GUCY1A2: variants seen among roughly 807,000 people sequenced by gnomAD.
The protein encoded by GUCY1A2 is guanylate cyclase 1 soluble subunit alpha 2.
GUCY1A2 carries 27 observed loss-of-function variants against 63.5 expected under a neutral mutation model. That is an observed-to-expected ratio of 0.43 (90% CI 0.31 to 0.59). The LOEUF is 0.59. Ranked by LOEUF, GUCY1A2 falls within the 20% of genes least tolerant of loss-of-function variation. GUCY1A2 has a pLI of 0.11. For missense variants in GUCY1A2, 768 were observed against 913.3 expected (o/e 0.84, Z 2.05); for synonymous variants, 364 against 343.5 (o/e 1.06, Z -0.66).
At chr11:106,800,241 G>A (rs1392976264) in intron 5 of GUCY1A2, among the ~76,000 whole-genome samples, 1 of 152,180 alleles carries the variant, frequency 6.6e-6, no homozygotes, top group Admixed American at 6.5e-5. Flanking sequence ...GGAAACAACA[G>A]GTGCTGGAGA....
chr11:106,881,746 C>A (rs1378014231), intron 4 of GUCY1A2, among the ~76,000 whole-genome samples: 1 of 151,840 alleles, frequency 6.6e-6, no homozygotes, highest in Non-Finnish European at 1.5e-5. Context: ...CCAATTGCAA[C>A]CAATTAGAAA....
intron 1 of GUCY1A2, among the ~76,000 whole-genome samples, chr11:107,007,945 C>T (rs1861693976): frequency 6.9e-6 from 1 of 145,230 alleles, no homozygotes; most frequent in Admixed American, 8.4e-5. Flanking sequence ...GGCAGCACAT[C>T]AGCAACCCCA....
At chr11:106,872,078 G>C (rs764001454) in intron 4 of GUCY1A2, among the ~76,000 whole-genome samples, 1 of 152,018 alleles carries the variant, frequency 6.6e-6, no homozygotes, top group Non-Finnish European at 1.5e-5. Context: ...AAAAACATAA[G>C]CGGTTGATAA....
At chr11:106,827,864 A>G in intron 4 of GUCY1A2, 1 of 1,597,086 alleles carries the variant, frequency 6.3e-7, no homozygotes, top group East Asian at 2.2e-5. Context: ...ACTTCCCTGC[A>G]GTCATGGGAG....
At chr11:106,919,145 C>T (rs1361719112) in intron 4 of GUCY1A2, among the ~76,000 whole-genome samples, 1 of 152,072 alleles carries the variant, frequency 6.6e-6, no homozygotes, top group African/African-American at 2.4e-5. Flanking sequence ...AAAAAACAAG[C>T]GTGATTATAT....
chr11:106,802,117 T>C (rs1280645429), intron 5 of GUCY1A2, among the ~76,000 whole-genome samples: 1 of 152,200 alleles, frequency 6.6e-6, no homozygotes, highest in African/African-American at 2.4e-5. Context: ...TTGTTTGTTT[T>C]AAAAAGGTAA....
chr11:106,826,374 C>A, intron 4 of GUCY1A2: 1 of 1,526,820 alleles, frequency 6.5e-7, no homozygotes, highest in East Asian at 2.3e-5. Flanking sequence ...TTATATGATT[C>A]TTGAAGAAAT....
chr11:106,936,240 CAA>C (rs548765770), intron 4 of GUCY1A2, among the ~76,000 whole-genome samples: 1 of 151,854 alleles, frequency 6.6e-6, no homozygotes, highest in Non-Finnish European at 1.5e-5. Context: ...CATTAAGCTG[CAA>C]AAAAAATTCA....
intron 6 of GUCY1A2, among the ~76,000 whole-genome samples, chr11:106,739,921 C>A (rs1175088978): frequency 6.6e-6 from 1 of 152,000 alleles, no homozygotes; most frequent in Non-Finnish European, 1.5e-5. Context: ...CCTCAGAGGT[C>A]CCTAGCAGCA....
intron 3 of GUCY1A2, among the ~76,000 whole-genome samples, chr11:106,957,629 C>T (rs763752089): frequency 2.0e-4 from 30 of 151,808 alleles, no homozygotes; most frequent in Non-Finnish European, 3.7e-4. Context: ...TCAATTTTGG[C>T]GAGAGAACCT....
intron 3 of GUCY1A2, among the ~76,000 whole-genome samples, chr11:106,949,998 A>T (rs1271881147): frequency 6.6e-6 from 1 of 152,096 alleles, no homozygotes; most frequent in African/African-American, 2.4e-5. Flanking sequence ...TGCATACATG[A>T]TTTTTCCATT....
intron 6 of GUCY1A2, among the ~76,000 whole-genome samples, chr11:106,766,112 G>A (rs1045134377): frequency 2.6e-5 from 4 of 152,086 alleles, no homozygotes; most frequent in African/African-American, 9.7e-5. Flanking sequence ...TGCCTGACAT[G>A]ACATCAACAA....
chr11:106,985,202 A>C (rs1034773085), intron 2 of GUCY1A2, among the ~76,000 whole-genome samples: 2 of 152,250 alleles, frequency 1.3e-5, no homozygotes, highest in African/African-American at 4.8e-5. Context: ...TTGACTTCTC[A>C]AAAGTTCTTA....
chr11:106,745,123 C>T (rs186868784), intron 6 of GUCY1A2, among the ~76,000 whole-genome samples: 65 of 152,208 alleles, frequency 4.3e-4, no homozygotes, highest in East Asian at 7.7e-4. Context: ...AAGGATTGAA[C>T]GATTTGCCAT....
intron 3 of GUCY1A2, among the ~76,000 whole-genome samples, chr11:106,957,076 A>G (rs1860995403): frequency 6.6e-6 from 1 of 152,130 alleles, no homozygotes; most frequent in South Asian, 2.1e-4. Flanking sequence ...ACTGCCACAG[A>G]GGGTGTGTTG....
At chr11:107,006,502 G>C (rs150113507) in intron 1 of GUCY1A2, among the ~76,000 whole-genome samples, 3 of 152,164 alleles carry the variant, frequency 2.0e-5, no homozygotes, top group African/African-American at 7.2e-5. Flanking sequence ...AGGAAAACAA[G>C]ACAAGCACAT....
chr11:106,817,134 C>T (rs568828279), intron 4 of GUCY1A2, among the ~76,000 whole-genome samples: 18 of 152,036 alleles, frequency 1.2e-4, no homozygotes, highest in African/African-American at 3.4e-4. Flanking sequence ...AAGTTAATGA[C>T]GAAATAATTC....
intron 5 of GUCY1A2, among the ~76,000 whole-genome samples, chr11:106,781,875 CTTGT>C (rs1039931380): frequency 2.0e-5 from 3 of 152,166 alleles, no homozygotes; most frequent in African/African-American, 4.8e-5. Context: ...TCCCATTTAC[CTTGT>C]TTGTTTATTT....
chr11:106,729,238 T>C (rs1565271503), intron 6 of GUCY1A2, among the ~76,000 whole-genome samples: 1 of 152,146 alleles, frequency 6.6e-6, no homozygotes, highest in African/African-American at 2.4e-5. Context: ...GGATTGAAGC[T>C]AGAAGGAAGA....
Sources: allele counts gnomAD v4.1 joint callset (sites outside exome capture counted in the v4.1 genomes callset), GRCh38; gene constraint gnomAD v4.1.1; transcripts MANE v1.5; gene names NCBI Gene and HGNC (gene_info 2026-07-23, HGNC 2026-07-21).